ONECUT1: variants seen among roughly 807,000 people sequenced by gnomAD.
ONECUT1 encodes the protein hepatocyte nuclear factor 6.
ONECUT1 carries 12 observed loss-of-function variants against 25.6 expected under a neutral mutation model. The ratio of observed to expected loss-of-function variants is 0.47; its 90% CI spans 0.30 to 0.76. ONECUT1 has a LOEUF of 0.76. Among genes scored for constraint, ONECUT1 ranks in the 30% least tolerant of loss-of-function variants. ONECUT1 has a pLI of 0.07. For missense variants in ONECUT1, 620 were observed against 651.2 expected, an observed-to-expected ratio of 0.95 and a Z score of 0.52; for synonymous variants, 285 against 270.2, an observed-to-expected ratio of 1.05 and a Z score of -0.54.
At chr15:52,783,889 G>A (rs145455108) in intron 1 of ONECUT1, among the ~76,000 whole-genome samples, 78 of 152,356 alleles carry the variant, frequency 5.1e-4, no homozygotes, top group South Asian at 1.0e-3. Flanking sequence ...TAACACCCAG[G>A]CATTGTTAGG....
intron 1 of ONECUT1, chr15:52,780,891 C>T (rs895861160): frequency 1.5e-6 from 2 of 1,314,784 alleles, no homozygotes; most frequent in Non-Finnish European, 1.9e-6. Flanking sequence ...TATCCCGTGG[C>T]GGCATATGCA....
rs200748237 is a variant in ONECUT1 at position 52,789,090 on chromosome 15, C to T, written c.795G>A (p.Leu265=). The T allele has an allele frequency of 3.4e-5, 54 of 1,601,664 alleles. No homozygotes were observed. Among genetic ancestry groups the T allele is most frequent in the Non-Finnish European group, 4.4e-5 (52 of 1,179,956 alleles). The change falls in exon 1 of 2, where the codon CTG becomes CTA. Residue 265 remains leucine, a synonymous_variant. Transcript: ENST00000305901. This position sits in a 1 kb window ranked among gnomAD's most constrained non-coding sequence, Gnocchi z 4.1. ...AAGGGTTGGGCTCCCGGGCTGTGCC[C>T]AGGAGTTGCCCGTGGCCCTGGGCGT... ...HLNAQGHGQL[L]GTAREPNPSV... is the part of the protein sequence containing the mutation.
chr15:52,764,164 G>A (rs1300786179), intron 1 of ONECUT1, among the ~76,000 whole-genome samples: 1 of 152,202 alleles, frequency 6.6e-6, no homozygotes, highest in Non-Finnish European at 1.5e-5. Context: ...GAATTTGTCT[G>A]GGAATATGTG....
chr15:52,777,697 A>AACACACACACAC (rs369734028), intron 1 of ONECUT1, among the ~76,000 whole-genome samples: 1 of 122,140 alleles, frequency 8.2e-6, no homozygotes, highest in African/African-American at 3.6e-5. Context: ...CTTCCTGGAA[A>AACACACACACAC]ACACACACAC....
At chr15:52,766,317 C>T (rs1372632232) in intron 1 of ONECUT1, among the ~76,000 whole-genome samples, 1 of 151,684 alleles carries the variant, frequency 6.6e-6, no homozygotes, top group African/African-American at 2.4e-5. Flanking sequence ...GGACTTGGGC[C>T]TCCAGCTTCA....
intron 1 of ONECUT1, among the ~76,000 whole-genome samples, chr15:52,769,807 C>T (rs139533505): frequency 1.1e-4 from 16 of 152,278 alleles, no homozygotes; most frequent in African/African-American, 3.4e-4. Flanking sequence ...TGTCTGCATC[C>T]GTCCTTGCTA....
chr15:52,767,533 C>T (rs1226865604), intron 1 of ONECUT1, among the ~76,000 whole-genome samples: 2 of 152,188 alleles, frequency 1.3e-5, no homozygotes, highest in African/African-American at 4.8e-5. Context: ...TTTTTATACT[C>T]ACAGGAAGAG....
At chr15:52,781,449 G>A (rs1042111563) in intron 1 of ONECUT1, among the ~76,000 whole-genome samples, 6 of 152,238 alleles carry the variant, frequency 3.9e-5, no homozygotes, top group African/African-American at 2.4e-5. Context: ...AGCTTATTAT[G>A]TAGAGACTTT....
At chr15:52,787,467 A>G (rs2083883589) in intron 1 of ONECUT1, among the ~76,000 whole-genome samples, 1 of 152,006 alleles carries the variant, frequency 6.6e-6, no homozygotes, top group African/African-American at 2.4e-5. Flanking sequence ...AGACTGTGAA[A>G]CGGCTCAGTG....
intron 1 of ONECUT1, among the ~76,000 whole-genome samples, chr15:52,774,977 G>T (rs149193078): frequency 5.3e-5 from 8 of 152,204 alleles, no homozygotes; most frequent in African/African-American, 1.9e-4. Context: ...ATCACCTGAG[G>T]TCAGGAGTTC....
intron 1 of ONECUT1, among the ~76,000 whole-genome samples, chr15:52,764,025 T>C (rs1181670967): frequency 2.6e-5 from 4 of 152,234 alleles, no homozygotes; most frequent in African/African-American, 9.6e-5. Context: ...ACATAGTATA[T>C]AGTAACATCT....
chr15:52,783,506 C>T (rs866246097), intron 1 of ONECUT1, among the ~76,000 whole-genome samples: 1 of 152,232 alleles, frequency 6.6e-6, no homozygotes, highest in African/African-American at 2.4e-5. Flanking sequence ...GGGACCCTGT[C>T]CAGGGTCCTG....
intron 1 of ONECUT1, chr15:52,780,612 T>C (rs142407979): frequency 6.5e-7 from 1 of 1,535,456 alleles, no homozygotes; most frequent in African/African-American, 1.4e-5. Flanking sequence ...GAACGATTTT[T>C]GTGACTCCAT....
intron 1 of ONECUT1, among the ~76,000 whole-genome samples, chr15:52,770,482 T>C (rs540504317): frequency 6.6e-6 from 1 of 152,298 alleles, no homozygotes; most frequent in East Asian, 1.9e-4. Context: ...TCCCAGGTGA[T>C]GTCTAGCTGC....
At chr15:52,785,774 C>G (rs945561209) in intron 1 of ONECUT1, 26 of 152,332 alleles carry the variant, frequency 1.7e-4, no homozygotes, top group African/African-American at 5.5e-4. Flanking sequence ...ATGGAGGGAA[C>G]ATATATTGAT....
rs569720941 is a variant in ONECUT1 at position 52,773,284 on chromosome 15, C to A, written c.1106-15437G>T. Among the ~76,000 whole-genome samples the A allele has an allele frequency of 6.6e-5, 10 of 151,892 alleles. No individual in the cohort carries two copies. The East Asian group carries it at 1.9e-3, about 29-fold the overall frequency. ...AGGTAGATTACTGGGTACCAGAGTT[C>A]CCACTGTGCAGGAAAAGACATATAA... On this transcript the variant is annotated intron_variant, in intron 1 of 1. Coordinates refer to ENST00000305901, the MANE Select transcript of ONECUT1 (RefSeq NM_004498.4).
intron 1 of ONECUT1, chr15:52,780,795 T>C: frequency 7.2e-7 from 1 of 1,389,840 alleles, no homozygotes; most frequent in Non-Finnish European, 9.3e-7. Flanking sequence ...TTTATTGCGT[T>C]CCTTCGATAA....
In ONECUT1 at chr15:52,789,452, C is replaced by T. The variant is rs1030657997; in HGVS notation, c.433G>A (p.Val145Met). Residue 145 changes from valine to methionine, a missense_variant, in exon 1 of 2, where the codon GTG becomes ATG. By Grantham distance (21) the Val-to-Met change is conservative (BLOSUM62 1). Around this residue, in one of 4 missense-constraint regions of ONECUT1, gnomAD observed 440 missense variants for 404.9 expected, o/e 1.09. Coordinates refer to ENST00000305901, the MANE Select transcript of ONECUT1 (RefSeq NM_004498.4). This position sits in a 1 kb window ranked among gnomAD's most constrained non-coding sequence, Gnocchi z 4.1. ...PHHHQRLAGN[V>M]SGSFTLMRDE... Reference sequence around the variant, plus strand: ...CGCATGAGCGTGAAGCTACCGCTCACGTTGCCCGCCAGGCGCTGGTGGTGG... The same window carrying T: ...CGCATGAGCGTGAAGCTACCGCTCATGTTGCCCGCCAGGCGCTGGTGGTGG... 5 of 1,613,598 alleles carry T rather than the reference C, an allele frequency of 3.1e-6. No individual in the cohort carries two copies. In the African/African-American group the frequency reaches 4.0e-5, roughly 13 times the overall value.
chr15:52,774,602 A>T (rs1359885814), intron 1 of ONECUT1, among the ~76,000 whole-genome samples: 1 of 152,188 alleles, frequency 6.6e-6, no homozygotes, highest in Non-Finnish European at 1.5e-5. Flanking sequence ...ACCTGGCCAG[A>T]AGTTACCTTT....
Sources: allele counts gnomAD v4.1 joint callset (sites outside exome capture counted in the v4.1 genomes callset), GRCh38; gene constraint gnomAD v4.1.1; regional missense constraint gnomAD v4.1.1; non-coding constraint Gnocchi (gnomAD v3.1); transcripts MANE v1.5; gene names NCBI Gene and HGNC (gene_info 2026-07-23, HGNC 2026-07-21).